CSMD3: variants seen among roughly 807,000 people sequenced by gnomAD.
The protein encoded by CSMD3 is CUB and Sushi multiple domains 3.
A neutral mutation model predicts 435.2 loss-of-function variants in CSMD3; 177 were observed. The ratio of observed to expected loss-of-function variants is 0.41; its 90% CI spans 0.36 to 0.46. CSMD3 has a LOEUF of 0.46. Ranked by LOEUF, CSMD3 falls within the 20% of genes least tolerant of loss-of-function variation. The pLI, the probability that CSMD3 is intolerant of heterozygous loss-of-function variation, is 0.34. For synonymous variants in CSMD3, 1,656 were observed against 1,520.5 expected (o/e 1.09, Z -2.07); for missense variants, 4,265 against 4,504.6 (o/e 0.95, Z 1.52).
At chr8:112,815,665 T>C (rs1339425816) in intron 12 of CSMD3, among the ~76,000 whole-genome samples, 1 of 152,142 alleles carries the variant, frequency 6.6e-6, no homozygotes, top group African/African-American at 2.4e-5. Flanking sequence ...ATTACTTTAG[T>C]TCATTTTAAA....
intron 10 of CSMD3, among the ~76,000 whole-genome samples, chr8:112,865,524 T>C (rs1405337905): frequency 1.3e-5 from 2 of 152,130 alleles, no homozygotes; most frequent in Non-Finnish European, 2.9e-5. Context: ...ACTAACTTAC[T>C]TGTAATTCCT....
At chr8:113,303,605 C>T (rs1055633250) in intron 2 of CSMD3, among the ~76,000 whole-genome samples, 4 of 143,720 alleles carry the variant, frequency 2.8e-5, no homozygotes, top group Non-Finnish European at 6.1e-5. Context: ...AGAAATAACG[C>T]CACATACCTA....
chr8:112,296,092 T>C, intron 53 of CSMD3, 86 bp from the exon 54 acceptor site: 1 of 1,080,986 alleles, frequency 9.3e-7, no homozygotes, highest in Non-Finnish European at 1.4e-6. Flanking sequence ...GAGCAAACCT[T>C]TAAAGTTGTC....
intron 23 of CSMD3, among the ~76,000 whole-genome samples, chr8:112,578,467 A>G (rs1053817330): frequency 4.6e-5 from 7 of 151,858 alleles, no homozygotes; most frequent in Admixed American, 1.3e-4. Flanking sequence ...GTCTCTACAA[A>G]TTGGCACTTT....
intron 38 of CSMD3, among the ~76,000 whole-genome samples, chr8:112,359,618 T>C (rs1276226022): frequency 6.6e-6 from 1 of 152,094 alleles, no homozygotes; most frequent in Non-Finnish European, 1.5e-5. Context: ...CATGCCAAAC[T>C]GGATGACATT....
intron 5 of CSMD3, among the ~76,000 whole-genome samples, chr8:113,041,220 G>C (rs1249081900): frequency 4.4e-5 from 6 of 136,086 alleles, no homozygotes; most frequent in Admixed American, 2.2e-4. Context: ...AAAAAAAAGG[G>C]GGGGGTGGGG....
chr8:112,861,367 T>A (rs896924253), intron 10 of CSMD3, among the ~76,000 whole-genome samples: 2 of 151,890 alleles, frequency 1.3e-5, no homozygotes, highest in African/African-American at 4.8e-5. Flanking sequence ...ATAAAATTAT[T>A]CCTGTGAGGA....
intron 5 of CSMD3, among the ~76,000 whole-genome samples, chr8:113,072,877 C>G (rs548510102): frequency 3.3e-5 from 5 of 151,742 alleles, no homozygotes; most frequent in Non-Finnish European, 7.4e-5. Flanking sequence ...TCATCACCCA[C>G]GAACACTAAA....
intron 22 of CSMD3, among the ~76,000 whole-genome samples, chr8:112,617,545 A>G (rs1798739927): frequency 6.6e-6 from 1 of 152,180 alleles, no homozygotes; most frequent in South Asian, 2.1e-4. Flanking sequence ...ATTGAATAAA[A>G]AGTCTCCTTT....
intron 32 of CSMD3, among the ~76,000 whole-genome samples, chr8:112,420,953 T>C (rs1812431074): frequency 6.6e-6 from 1 of 152,182 alleles, no homozygotes; most frequent in South Asian, 2.1e-4. Flanking sequence ...CACTCTGCCA[T>C]GCCTTTTCTG....
At chr8:112,912,930 T>C (rs76557894) in intron 10 of CSMD3, among the ~76,000 whole-genome samples, 5,138 of 152,016 alleles carry the variant, frequency 0.034, 150 homozygotes, top group Middle Eastern at 0.051. Context: ...AAAGAAGACA[T>C]ACAAATGGCC....
intron 30 of CSMD3, 109 bp downstream of exon 30, chr8:112,503,681 A>T (rs1822212030): frequency 5.5e-6 from 4 of 729,882 alleles, no homozygotes; most frequent in Non-Finnish European, 9.0e-6. Context: ...ATCTGCATTT[A>T]AAAATACACA....
intron 13 of CSMD3, among the ~76,000 whole-genome samples, chr8:112,765,996 A>G (rs1049021222): frequency 6.6e-6 from 1 of 151,592 alleles, no homozygotes; most frequent in Non-Finnish European, 1.5e-5. Flanking sequence ...CCTCAGAGCT[A>G]ACCTTCCCCA....
At chr8:112,505,769 C>T (rs1822436245) in intron 29 of CSMD3, among the ~76,000 whole-genome samples, 1 of 151,778 alleles carries the variant, frequency 6.6e-6, no homozygotes, top group Non-Finnish European at 1.5e-5. Context: ...CTCATCTTGC[C>T]AATAGTCCTG....
intron 3 of CSMD3, among the ~76,000 whole-genome samples, chr8:113,235,340 G>A (rs758247769): frequency 1.6e-4 from 24 of 151,926 alleles, no homozygotes; most frequent in Non-Finnish European, 2.6e-4. Context: ...CTCTCTCTCC[G>A]CTACCTCAAA....
intron 13 of CSMD3, among the ~76,000 whole-genome samples, chr8:112,763,832 A>G (rs2077906950): frequency 6.6e-6 from 1 of 151,236 alleles, no homozygotes; most frequent in African/African-American, 2.4e-5. Context: ...TGGGCTCTGG[A>G]CAAGAGTATG....
chr8:112,970,559 T>C lies in CSMD3; in HGVS notation c.1342+5278A>G, dbSNP rs531627183. 1.3e-3 allele frequency among the ~76,000 whole-genome samples: 193 copies of C among 152,128 alleles called. 1 individual carries two copies. Among genetic ancestry groups the C allele is most frequent in the African/African-American group, 4.5e-3 (185 of 41,546 alleles). On this transcript the variant is annotated intron_variant, in intron 7 of 70. Transcript: ENST00000297405. ...AAAAGTCAATTATTTTTAAGCTTAC[T>C]TACATTAATGTATGTCTTCCTTCAA...
At chr8:112,298,714 T>A (rs1349005732) in intron 53 of CSMD3, among the ~76,000 whole-genome samples, 5 of 152,116 alleles carry the variant, frequency 3.3e-5, no homozygotes, top group Non-Finnish European at 5.9e-5. Flanking sequence ...AAAACTGTGC[T>A]TAACATTAGT....
intron 6 of CSMD3, among the ~76,000 whole-genome samples, chr8:112,981,670 G>T (rs1197480961): frequency 2.0e-5 from 3 of 151,528 alleles, no homozygotes; most frequent in Non-Finnish European, 4.4e-5. Context: ...ATCACTTTGT[G>T]ACTAAATTAA....
Sources: gnomAD v4.1 joint callset for allele counts (sites outside exome capture counted in the v4.1 genomes callset) on GRCh38, gnomAD v4.1.1 for gene constraint, MANE v1.5 for transcripts, NCBI Gene and HGNC (gene_info 2026-07-23, HGNC 2026-07-21) for gene names.